The following PCDH9 variants were observed in gnomAD, a reference collection of about 807,000 sequenced individuals.
PCDH9 encodes the protein protocadherin-9.
PCDH9 carries 24 observed loss-of-function variants against 70.6 expected under a neutral mutation model. That is an observed-to-expected ratio of 0.34 (90% CI 0.25 to 0.48). The LOEUF is 0.48. Ranked by LOEUF, PCDH9 falls within the 20% of genes least tolerant of loss-of-function variation. The probability of loss-of-function intolerance (pLI) is 0.99; values close to 1 mark genes in which losing one functional copy is unlikely to be tolerated. For synonymous variants in PCDH9, 562 were observed against 558.5 expected, an observed-to-expected ratio of 1.01 and a Z score of -0.09; for missense variants, 1,281 against 1,503.6, an observed-to-expected ratio of 0.85 and a Z score of 2.45.
intron 2 of PCDH9, among the ~76,000 whole-genome samples, chr13:66,915,874 C>T (rs1164950564): frequency 6.6e-6 from 1 of 151,542 alleles, no homozygotes; most frequent in Non-Finnish European, 1.5e-5. Context: ...TTTTCTCTCT[C>T]CCCTCCGTAG....
At chr13:66,996,748 AT>A (rs1396943228) in intron 2 of PCDH9, among the ~76,000 whole-genome samples, 2 of 152,342 alleles carry the variant, frequency 1.3e-5, no homozygotes, top group Middle Eastern at 3.4e-3. Flanking sequence ...CTAAATGTGA[AT>A]AGTACTGTTT....
At chr13:66,668,895 T>C (rs573083197) in intron 3 of PCDH9, among the ~76,000 whole-genome samples, 5 of 152,316 alleles carry the variant, frequency 3.3e-5, no homozygotes, top group African/African-American at 1.2e-4. Flanking sequence ...AGTAGTATTA[T>C]GGTCTCAGGT....
At chr13:66,685,949 T>G (rs1296343387) in intron 3 of PCDH9, among the ~76,000 whole-genome samples, 1 of 152,182 alleles carries the variant, frequency 6.6e-6, no homozygotes, top group Non-Finnish European at 1.5e-5. Context: ...ATTTACAGGC[T>G]TATAGGTGGA....
chr13:67,066,436 G>A (rs1273729330), intron 2 of PCDH9, among the ~76,000 whole-genome samples: 3 of 152,100 alleles, frequency 2.0e-5, no homozygotes, highest in Admixed American at 1.3e-4. Flanking sequence ...GTTTCACCAC[G>A]TTAGCCAAGT....
chr13:66,413,617 C>T (rs1030739863), intron 4 of PCDH9, among the ~76,000 whole-genome samples: 3 of 151,836 alleles, frequency 2.0e-5, no homozygotes, highest in Middle Eastern at 3.4e-3. Flanking sequence ...ACCTGGGAGG[C>T]GGAGCTTGCA....
intron 4 of PCDH9, among the ~76,000 whole-genome samples, chr13:66,338,882 G>GAAAAAA (rs34291752): frequency 6.7e-6 from 1 of 150,374 alleles, no homozygotes; most frequent in Non-Finnish European, 1.5e-5. Flanking sequence ...TGGTAGAAGA[G>GAAAAAA]AAAAAAAAAG....
intron 4 of PCDH9, among the ~76,000 whole-genome samples, chr13:66,309,389 T>C (rs1955524822): frequency 6.6e-6 from 1 of 152,074 alleles, no homozygotes; most frequent in South Asian, 2.1e-4. Flanking sequence ...CCCTGCCCTA[T>C]ACATGTTTAT....
chr13:66,562,559 G>C (rs1223948805), intron 4 of PCDH9, among the ~76,000 whole-genome samples: 1 of 152,118 alleles, frequency 6.6e-6, no homozygotes, highest in African/African-American at 2.4e-5. Context: ...GCATGTGCAG[G>C]GGAACTGCCC....
intron 4 of PCDH9, among the ~76,000 whole-genome samples, chr13:66,547,516 C>T (rs947758969): frequency 6.6e-6 from 1 of 152,254 alleles, no homozygotes; most frequent in Non-Finnish European, 1.5e-5. Context: ...TTACGTTCTG[C>T]ACTACTTCCA....
At chr13:66,931,528 C>A (rs924008198) in intron 2 of PCDH9, among the ~76,000 whole-genome samples, 2 of 151,952 alleles carry the variant, frequency 1.3e-5, no homozygotes, top group African/African-American at 2.4e-5. Flanking sequence ...AGAAATGTAA[C>A]CTGTTTAATT....
intron 4 of PCDH9, among the ~76,000 whole-genome samples, chr13:66,462,099 G>C (rs1958434728): frequency 6.6e-6 from 1 of 151,712 alleles, no homozygotes; most frequent in Admixed American, 6.6e-5. Context: ...AGCCATGATA[G>C]GAATATTTAC....
At chr13:66,617,703 C>T (rs1477424833) in intron 4 of PCDH9, among the ~76,000 whole-genome samples, 2 of 152,130 alleles carry the variant, frequency 1.3e-5, no homozygotes, top group Admixed American at 1.3e-4. Flanking sequence ...CTTACCCCTC[C>T]CCTTGTTTTG....
Position 66,738,150 on chromosome 13 carries a change from C to T in PCDH9, c.3139-106739G>A, listed in dbSNP as rs1010744147. Among the ~76,000 whole-genome samples the T allele has an allele frequency of 2.8e-4, 43 of 152,104 alleles. 1 individual carries two copies. Among genetic ancestry groups the T allele is most frequent in the Admixed American group, 2.4e-3 (37 of 15,282 alleles). Reference sequence around the variant, plus strand: ...CAGCACGCAGCTGGAGATCTGAGAACGGGCAGACGGCCTCCTCAAGTGGGT... The same window carrying T: ...CAGCACGCAGCTGGAGATCTGAGAATGGGCAGACGGCCTCCTCAAGTGGGT... On this transcript the variant is annotated intron_variant, in intron 3 of 4. Coordinates refer to ENST00000377865, the MANE Select transcript of PCDH9 (RefSeq NM_203487.3).
At chr13:67,031,017 TAAAGA>T (rs1357404527) in intron 2 of PCDH9, among the ~76,000 whole-genome samples, 1 of 152,092 alleles carries the variant, frequency 6.6e-6, no homozygotes, top group Non-Finnish European at 1.5e-5. Context: ...GAGAGTAAAA[TAAAGA>T]AAAGGAGTTA....
chr13:67,027,589 G>A (rs1354740459), intron 2 of PCDH9, among the ~76,000 whole-genome samples: 1 of 150,344 alleles, frequency 6.7e-6, no homozygotes. Context: ...AAACTAAAGA[G>A]CTTCTGCACA....
intron 3 of PCDH9, among the ~76,000 whole-genome samples, chr13:66,796,563 A>G (rs1407807709): frequency 6.6e-6 from 1 of 152,194 alleles, no homozygotes; most frequent in Non-Finnish European, 1.5e-5. Flanking sequence ...GAAAAAGCAA[A>G]CATAAAGCAA....
intron 2 of PCDH9, among the ~76,000 whole-genome samples, chr13:66,910,418 C>A (rs2082441119): frequency 1.3e-5 from 2 of 152,126 alleles, no homozygotes; most frequent in African/African-American, 4.8e-5. Flanking sequence ...GCAAGTGGGT[C>A]ACTTGTAAAG....
intron 3 of PCDH9, among the ~76,000 whole-genome samples, chr13:66,758,117 A>G (rs2079565411): frequency 6.6e-6 from 1 of 152,116 alleles, no homozygotes; most frequent in Non-Finnish European, 1.5e-5. Flanking sequence ...TTTATTATGT[A>G]CAACATGCTG....
chr13:66,386,400 G>C (rs1956930558), intron 4 of PCDH9, among the ~76,000 whole-genome samples: 1 of 152,112 alleles, frequency 6.6e-6, no homozygotes, highest in African/African-American at 2.4e-5. Context: ...TGACTAACAT[G>C]CAATGAACAT....
Sources: gnomAD v4.1 joint callset for allele counts (sites outside exome capture counted in the v4.1 genomes callset) on GRCh38, gnomAD v4.1.1 for gene constraint, MANE v1.5 for transcripts, NCBI Gene and HGNC (gene_info 2026-07-23, HGNC 2026-07-21) for gene names.